The following CCDC180 variants were observed in gnomAD, a reference collection of about 807,000 sequenced individuals.
CCDC180 encodes the protein coiled-coil domain containing 180.
A neutral mutation model predicts 209.2 loss-of-function variants in CCDC180; 154 were observed. That is an observed-to-expected ratio of 0.74 (90% CI 0.65 to 0.84). The LOEUF is 0.84. CCDC180 is among the 40% of genes least tolerant of loss of function. The pLI, the probability that CCDC180 is intolerant of heterozygous loss-of-function variation, is 0.00. For synonymous variants in CCDC180, 778 were observed against 749.1 expected (o/e 1.04, Z -0.63); for missense variants, 1,874 against 1,997.3 (o/e 0.94, Z 1.18).
chr9:97,333,298 T>C (rs1365002099), intron 18 of CCDC180, among the ~76,000 whole-genome samples: 1 of 152,202 alleles, frequency 6.6e-6, no homozygotes, highest in African/African-American at 2.4e-5. Flanking sequence ...TTTGCATCAA[T>C]GTTAATCAAG....
chr9:97,340,190 C>G (rs570455737), intron 18 of CCDC180, among the ~76,000 whole-genome samples: 1 of 152,284 alleles, frequency 6.6e-6, no homozygotes, highest in Admixed American at 6.5e-5. Flanking sequence ...CTCCATCCTG[C>G]TTTGTTCTGT....
Position 97,333,515 on chromosome 9 carries a change from T to G in CCDC180, c.2274+2748T>G, listed in dbSNP as rs892934314. 3.5e-4 allele frequency among the ~76,000 whole-genome samples: 53 copies of G among 149,630 alleles called. 1 individual carries two copies. Among genetic ancestry groups the G allele is most frequent in the Non-Finnish European group, 6.7e-4 (45 of 67,402 alleles). On this transcript the variant is annotated intron_variant, in intron 18 of 36. Transcript: ENST00000529487. Reference sequence around the variant, plus strand: ...GTCCTGGGTTTGGGTTTTTTTTTTTTTTTTTTTTTTTTTTGGTTTGTAGGC... The same window carrying G: ...GTCCTGGGTTTGGGTTTTTTTTTTTGTTTTTTTTTTTTTTGGTTTGTAGGC...
rs200136328 is a variant in CCDC180, at chr9:97,365,744, G to A, written c.4047+5G>A. The A allele has an allele frequency of 6.2e-7, 1 of 1,613,650 alleles. No individual in the cohort carries two copies. The highest frequency in any genetic ancestry group is 1.3e-5 in the African/African-American group (1 of 75,026). ...AACCTGCTGACAGTCGCAGAGGTGAGGACCACCACCCATGGCCTGTGCCTG... is the reference window on the plus strand; with the variant it reads ...AACCTGCTGACAGTCGCAGAGGTGAAGACCACCACCCATGGCCTGTGCCTG... On this transcript the variant is annotated splice_donor_5th_base_variant and intron_variant, in intron 30 of 36. Coordinates refer to ENST00000529487, the MANE Select transcript of CCDC180 (RefSeq NM_020893.6).
intron 21 of CCDC180, among the ~76,000 whole-genome samples, chr9:97,349,936 T>C (rs1826375342): frequency 6.6e-6 from 1 of 152,118 alleles, no homozygotes; most frequent in African/African-American, 2.4e-5. Context: ...ACACAGCCCA[T>C]TGGAGCAGGG....
chr9:97,370,548 G>A (rs928931273), intron 32 of CCDC180, 93 bp from the exon 33 acceptor site: 174 of 1,435,738 alleles, frequency 1.2e-4, no homozygotes, highest in Non-Finnish European at 1.6e-4. Flanking sequence ...CAGAGGACAT[G>A]AGTCTGGCCA....
rs112136708 is a variant in CCDC180, at chr9:97,341,421, A to G, written c.2275-1919A>G. 9.6e-3 allele frequency among the ~76,000 whole-genome samples: 1,462 copies of G among 152,158 alleles called. 19 individuals carry two copies. Among genetic ancestry groups the G allele is most frequent in the African/African-American group, 0.033 (1,373 of 41,514 alleles). Reference sequence around the variant, plus strand: ...CTTTCTGTTTGTTAGTTTTCCTTCTAATAGTCAGGTCCCTCAGCTGCAGGT... The same window carrying G: ...CTTTCTGTTTGTTAGTTTTCCTTCTGATAGTCAGGTCCCTCAGCTGCAGGT... On this transcript the variant is annotated intron_variant, in intron 18 of 36. Coordinates refer to ENST00000529487, the MANE Select transcript of CCDC180 (RefSeq NM_020893.6).
In CCDC180 at chr9:97,313,225, T is replaced by C. The variant is rs1217446058; in HGVS notation, c.350-11T>C. 11 of 1,590,286 alleles carry C rather than the reference T, an allele frequency of 6.9e-6. No individual in the cohort carries two copies. In the African/African-American group the frequency reaches 1.3e-4, roughly 19 times the overall value. On this transcript the variant is annotated splice_polypyrimidine_tract_variant and intron_variant, in intron 4 of 36. Coordinates refer to ENST00000529487, the MANE Select transcript of CCDC180 (RefSeq NM_020893.6). ...GAAGGCAGCCTCATCACCTCTGTTG[T>C]TGCTCCGCAGTTCCTGAGAAGATAA... is the stretch of plus-strand genomic sequence containing the variant.
chr9:97,351,706 G>T (rs1826425376), intron 22 of CCDC180, among the ~76,000 whole-genome samples: 1 of 152,108 alleles, frequency 6.6e-6, no homozygotes, highest in Admixed American at 6.5e-5. Context: ...TACAGAAATG[G>T]AATCCTAGTA....
At chr9:97,346,734 C>T (rs1173848802) in intron 19 of CCDC180, among the ~76,000 whole-genome samples, 1 of 152,106 alleles carries the variant, frequency 6.6e-6, no homozygotes, top group Non-Finnish European at 1.5e-5. Flanking sequence ...GTCACCATGA[C>T]CAGCTAATTT....
chr9:97,365,544 C>T, intron 29 of CCDC180, 129 bp from the exon 30 acceptor site: 1 of 772,526 alleles, frequency 1.3e-6, no homozygotes, highest in South Asian at 1.5e-5. Flanking sequence ...GGTCCTGGGG[C>T]AGCAGTGAGT....
At chr9:97,350,875 T>A (rs1826403999) in intron 22 of CCDC180, among the ~76,000 whole-genome samples, 1 of 152,218 alleles carries the variant, frequency 6.6e-6, no homozygotes, top group South Asian at 2.1e-4. Context: ...TTGAAACCTC[T>A]AGGTACTTCA....
chr9:97,375,587 C>T lies in CCDC180; in HGVS notation c.4840C>T (p.Leu1614=), dbSNP rs757862869. 2.7e-5 allele frequency: 43 copies of T among 1,614,216 alleles called. No homozygotes were observed. Among genetic ancestry groups the T allele is most frequent in the Non-Finnish European group, 3.5e-5 (41 of 1,180,042 alleles). ...AAVEARDAVY[L]KYLASFEEEL... ...CGTGGAAGCCCGAGATGCTGTGTAC[C>T]TGGTGAGACAGGGTGGAGTGGGCGT... is the stretch of plus-strand genomic sequence containing the variant. Residue 1614 remains leucine (L), a splice_region_variant and synonymous_variant, in exon 36 of 37, where the codon CTG becomes TTG. Transcript: ENST00000529487.
At chr9:97,352,161 A>G (rs1826439194) in intron 22 of CCDC180, among the ~76,000 whole-genome samples, 1 of 152,112 alleles carries the variant, frequency 6.6e-6, no homozygotes, top group Non-Finnish European at 1.5e-5. Flanking sequence ...TAAAGACGAT[A>G]AACAGATTAA....
chr9:97,322,007 G>A (rs754263854), intron 11 of CCDC180, among the ~76,000 whole-genome samples: 13 of 152,114 alleles, frequency 8.5e-5, no homozygotes, highest in Non-Finnish European at 1.5e-4. Flanking sequence ...TGAGGGCAGT[G>A]GGAACTCAGT....
chr9:97,373,293 GTAAT>G (rs1468343452), intron 34 of CCDC180: 3 of 152,140 alleles, frequency 2.0e-5, no homozygotes, highest in Non-Finnish European at 4.4e-5. Flanking sequence ...GATCTATAAA[GTAAT>G]TAAAATGCAT....
chr9:97,339,707 C>T (rs899272246), intron 18 of CCDC180, among the ~76,000 whole-genome samples: 2 of 152,130 alleles, frequency 1.3e-5, no homozygotes, highest in Non-Finnish European at 2.9e-5. Context: ...GTTGGCCTGC[C>T]TTACTAGGTT....
At chr9:97,322,703 A>G (rs3747500) in intron 11 of CCDC180, 130 bp from the exon 12 acceptor site, 33,497 of 748,726 alleles carry the variant, frequency 0.045, 4,225 homozygotes, top group African/African-American at 0.35. Flanking sequence ...CCTGATCTCA[A>G]TCGGGACCAC....
In CCDC180 at chr9:97,343,482, TGTTCATCAAC is replaced by T; in HGVS notation, c.2419_2428del (p.Phe807ThrfsTer8). ...AAGTCCCATTCCACCTTCTCAGCCA[TGTTCATCAAC>T]GACACTTCCAGTGCCAAGTTCATAG... is the stretch of plus-strand genomic sequence containing the variant. On this transcript the variant is annotated frameshift_variant, in exon 19 of 37. Coordinates refer to ENST00000529487, the MANE Select transcript of CCDC180 (RefSeq NM_020893.6). LOFTEE classifies it high-confidence loss of function. The T allele has an allele frequency of 1.2e-6, 2 of 1,614,210 alleles. No homozygotes were observed. The highest frequency in any genetic ancestry group is 1.7e-6 in the Non-Finnish European group (2 of 1,180,018).
intron 18 of CCDC180, among the ~76,000 whole-genome samples, chr9:97,331,018 G>A (rs556614795): frequency 7.2e-5 from 11 of 152,068 alleles, no homozygotes; most frequent in African/African-American, 2.4e-4. Context: ...TTTTGTCAGC[G>A]GGCTAATAAG....
Sources: gnomAD v4.1 joint callset for allele counts (sites outside exome capture counted in the v4.1 genomes callset) on GRCh38, gnomAD v4.1.1 for gene constraint, MANE v1.5 for transcripts, NCBI Gene and HGNC (gene_info 2026-07-23, HGNC 2026-07-21) for gene names.